The following GRIN2C variants were observed in gnomAD, a reference collection of about 807,000 sequenced individuals.
GRIN2C encodes glutamate receptor ionotropic, NMDA 2C.
A neutral mutation model predicts 77.7 loss-of-function variants in GRIN2C; 64 were observed. The ratio of observed to expected loss-of-function variants is 0.82; its 90% CI spans 0.67 to 1.01. GRIN2C has a LOEUF of 1.01. Ranked by LOEUF, GRIN2C falls within the 50% of genes least tolerant of loss-of-function variation. The probability of loss-of-function intolerance (pLI) is 0.00; values close to 1 mark genes in which losing one functional copy is unlikely to be tolerated. For synonymous variants in GRIN2C, 792 were observed against 643.4 expected (o/e 1.23, Z -3.49); for missense variants, 1,549 against 1,486.0 (o/e 1.04, Z -0.70).
chr17:74,846,800 G>A lies in GRIN2C; in HGVS notation c.2122C>T (p.Gln708Ter). ...GTGAGCGCGTCCTCCACCGAGCGCT[G>A]GTTGAACTTGACCATGTGGGTGTGC... ...DMHTHMVKFNQRSVEDALTSL... is the reference protein window; with the variant it reads ...DMHTHMVKFN The change falls in exon 10 of 13, where the codon CAG (glutamine) becomes TAG (stop). Residue 708 changes from glutamine to a stop codon, truncating the protein, a stop_gained. Coordinates refer to ENST00000293190, the MANE Select transcript of GRIN2C (RefSeq NM_000835.6). LOFTEE classifies it high-confidence loss of function. The surrounding 1 kb of genome is among the most constrained non-coding windows in gnomAD (Gnocchi z 4.4). 1.2e-6 allele frequency: 2 copies of A among 1,614,144 alleles called. No homozygotes were observed. Among genetic ancestry groups the A allele is most frequent in the Non-Finnish European group, 1.7e-6 (2 of 1,180,014 alleles).
chr17:74,852,197 C>A lies in GRIN2C; in HGVS notation c.814G>T (p.Gly272Cys). The change falls in exon 3 of 13, where the codon GGC becomes TGC. Residue 272 changes from glycine to cysteine, a missense_variant. Physicochemically the swap from Gly to Cys is radical, Grantham distance 159. Coordinates refer to ENST00000293190, the MANE Select transcript of GRIN2C (RefSeq NM_000835.6). ...TDAPPATFPV[G>C]LISVVTESWR... Reference sequence around the variant, plus strand: ...CTCTCGGTGACGACGCTGATGAGGCCCACGGGGAAGGTGGCGGGGGGCGCA... The same window carrying A: ...CTCTCGGTGACGACGCTGATGAGGCACACGGGGAAGGTGGCGGGGGGCGCA... 6.9e-7 allele frequency: 1 copy of A among 1,453,478 alleles called. No individual in the cohort carries two copies. The allele number at this position is 1,453,478 out of a possible 1,614,324, so 90.0% of individuals were successfully genotyped here.
intron 2 of GRIN2C, 192 bp from the exon 3 acceptor site, chr17:74,852,803 C>G: frequency 2.3e-6 from 1 of 433,646 alleles, no homozygotes; most frequent in South Asian, 6.6e-5. Context: ...ATGGTCATGC[C>G]CGGCCCCCAG....
intron 1 of GRIN2C, among the ~76,000 whole-genome samples, chr17:74,856,055 C>T (rs893512853): frequency 2.0e-5 from 3 of 152,208 alleles, no homozygotes; most frequent in African/African-American, 7.2e-5. Flanking sequence ...TCTTTTGAAC[C>T]CAACCCAGGG....
At chr17:74,845,379 C>A (rs1428710737) in intron 11 of GRIN2C, among the ~76,000 whole-genome samples, 1 of 151,760 alleles carries the variant, frequency 6.6e-6, no homozygotes, top group African/African-American at 2.4e-5. Context: ...ATCCTCCTGC[C>A]TCAGCCTCCC....
Position 74,843,409 on chromosome 17 carries a change from T to C in GRIN2C, c.2728A>G (p.Ser910Gly). 1 of 1,535,944 alleles carries C rather than the reference T, an allele frequency of 6.5e-7. No individual in the cohort carries two copies. ...CGAGTGGCGCGGTCCAGGGAGCTGC[T>C]TACGCCCGCCGTGGTCACCATGTCG... ...ARDMVTTAGV[S>G]SSLDRATRTI... The change falls in exon 13 of 13, where the codon AGC (serine) becomes GGC (glycine). Residue 910 changes from serine to glycine, a missense_variant. Physicochemically the swap from Ser to Gly is moderately conservative, Grantham distance 56 (BLOSUM62 0). Around this residue, in one of 3 missense-constraint regions of GRIN2C, gnomAD observed 450 missense variants for 267.9 expected, o/e 1.68. Transcript: ENST00000293190.
upstream of GRIN2C, chr17:74,860,367 C>T (rs542831008): frequency 3.7e-5 from 17 of 455,518 alleles, no homozygotes; most frequent in South Asian, 2.3e-4. Context: ...GCCAGAAGTC[C>T]CCTTGGACGA....
At position 74,846,722 on chromosome 17, in the gene GRIN2C, C is replaced by A; in HGVS notation, c.2162+38G>T. 6.3e-7 allele frequency: 1 copy of A among 1,596,912 alleles called. No homozygotes were observed. Among genetic ancestry groups the A allele is most frequent in the Non-Finnish European group, 8.5e-7 (1 of 1,169,596 alleles). On this transcript the variant is annotated intron_variant, in intron 10 of 12. Transcript: ENST00000293190. This position sits in a 1 kb window ranked among gnomAD's most constrained non-coding sequence, Gnocchi z 4.4. ...GCTAAGGCTGGTCACTGGGGAGACACACGGATGAAGACAGCGGGTGCAGGG... is the reference window on the plus strand; with the variant it reads ...GCTAAGGCTGGTCACTGGGGAGACAAACGGATGAAGACAGCGGGTGCAGGG...
Position 74,842,370 on chromosome 17 carries a change from G to C in GRIN2C, c.*65C>G. 1 of 714,810 alleles carries C rather than the reference G, an allele frequency of 1.4e-6. No homozygotes were observed. Among genetic ancestry groups the C allele is most frequent in the East Asian group, 2.5e-5 (1 of 39,874 alleles). 44.3% of individuals were successfully genotyped at this position (714,810 alleles called of 1,614,324 possible). A position where few individuals can be genotyped will look rare whatever the true frequency, so the allele number is the denominator to read the frequency against. ...AAGCCAGAAAAGCCCAATCCTGCCT[G>C]CCGCTTAACCCTGACAGTGGCAGGC... On this transcript the variant is annotated 3_prime_UTR_variant, in exon 13 of 13. Transcript: ENST00000293190.
chr17:74,855,073 G>A lies in GRIN2C; in HGVS notation c.20C>T (p.Pro7Leu), dbSNP rs765489276. 140 of 1,589,194 alleles carry A rather than the reference G, an allele frequency of 8.8e-5. No homozygotes were observed. The highest frequency in any genetic ancestry group is 5.3e-4 in the Middle Eastern group (3 of 5,642). Residue 7 changes from proline to leucine, a missense_variant, in exon 2 of 13, where the codon CCG (proline) becomes CTG (leucine). Physicochemically the swap from Pro to Leu is moderately conservative, Grantham distance 98. This residue lies in a region of GRIN2C where 382 missense variants were observed against 360.0 expected (regional missense o/e 1.06). Transcript: ENST00000293190. Reference sequence around the variant, plus strand: ...GAAGAGCGAGGTGAGCAACAGGGCCGGCCCCAGGGCCCCACCCATGTCCAC... The same window carrying A: ...GAAGAGCGAGGTGAGCAACAGGGCCAGCCCCAGGGCCCCACCCATGTCCAC... MGGALG[P>L]ALLLTSLFGA...
In GRIN2C at chr17:74,846,758, A is replaced by G; in HGVS notation, c.2162+2T>C. On this transcript the variant is annotated splice_donor_variant, in intron 10 of 12. Coordinates refer to ENST00000293190, the MANE Select transcript of GRIN2C (RefSeq NM_000835.6). LOFTEE classifies it high-confidence loss of function. The surrounding 1 kb of genome is among the most constrained non-coding windows in gnomAD (Gnocchi z 4.4). ...ACAGCGGGTGCAGGGCTGGGGACCC[A>G]CCCCATCTTGAGGCTGGTGAGCGCG... 1 of 1,613,062 alleles carries G rather than the reference A, an allele frequency of 6.2e-7. No homozygotes were observed. The highest frequency in any genetic ancestry group is 8.5e-7 in the Non-Finnish European group (1 of 1,179,496).
At chr17:74,845,411 T>C (rs902999565) in intron 11 of GRIN2C, among the ~76,000 whole-genome samples, 4 of 151,948 alleles carry the variant, frequency 2.6e-5, no homozygotes, top group Non-Finnish European at 5.9e-5. Flanking sequence ...ATTATAGGTG[T>C]GTGCCACCAT....
In GRIN2C at chr17:74,844,385, G is replaced by A. The variant is rs774440399; in HGVS notation, c.2474C>T (p.Ala825Val). The change falls in exon 12 of 13, where the codon GCC (alanine) becomes GTC (valine). Residue 825 changes from alanine (A) to valine (V), a missense_variant. By Grantham distance (64) the Ala-to-Val change is moderately conservative (BLOSUM62 0). Transcript: ENST00000293190. ...GAAGACCAGCAGGGCCAGCCCCATG[G>A]CCACCAGCAGCATGTAGAAGACGCC... Reference protein sequence around the residue: ...MAGVFYMLLVAMGLALLVFAW... With the variant: ...MAGVFYMLLVVMGLALLVFAW... 26 of 1,614,068 alleles carry A rather than the reference G, an allele frequency of 1.6e-5. No individual in the cohort carries two copies. Among genetic ancestry groups the A allele is most frequent in the Non-Finnish European group, 2.2e-5 (26 of 1,180,044 alleles).
At chr17:74,856,382 C>T (rs922545132) in intron 1 of GRIN2C, among the ~76,000 whole-genome samples, 8 of 152,322 alleles carry the variant, frequency 5.3e-5, no homozygotes, top group Non-Finnish European at 8.8e-5. Context: ...CTCCGAAAGA[C>T]AGATGCCCTT....
At position 74,850,656 on chromosome 17, in the gene GRIN2C, C is replaced by A; in HGVS notation, c.1225G>T (p.Glu409Ter). Residue 409 changes from glutamate (E) to a stop codon, truncating the protein, a stop_gained, in exon 5 of 13, where the codon GAA becomes TAA. Coordinates refer to ENST00000293190, the MANE Select transcript of GRIN2C (RefSeq NM_000835.6). LOFTEE classifies it high-confidence loss of function. The surrounding 1 kb of genome is among the most constrained non-coding windows in gnomAD (Gnocchi z 5.3). The stretch of plus-strand genomic sequence containing the variant: ...TCCACGATGACAAAGGGCCGCTCTT[C>A]CAGCGTGGCCACCGTCAGGTGCCGA... ...DSRHLTVATL[E>*]ERPFVIVESP... The A allele has an allele frequency of 4.3e-6, 7 of 1,613,626 alleles. No homozygotes were observed. The highest frequency in any genetic ancestry group is 5.9e-6 in the Non-Finnish European group (7 of 1,179,984).
In GRIN2C at chr17:74,847,628, C is replaced by T. The variant is rs1228584397; in HGVS notation, c.1772-91G>A. 2 of 1,036,462 alleles carry T rather than the reference C, an allele frequency of 1.9e-6. No individual in the cohort carries two copies. Among genetic ancestry groups the T allele is most frequent in the Admixed American group, 4.1e-5 (2 of 48,254 alleles). The allele number at this position is 1,036,462 out of a possible 1,614,324, so 64.2% of individuals were successfully genotyped here. On this transcript the variant is annotated intron_variant, in intron 8 of 12. Transcript: ENST00000293190. The surrounding 1 kb of genome is among the most constrained non-coding windows in gnomAD (Gnocchi z 5.2). ...GCCCACCCGACTGCACAGCTCCGGT[C>T]TCAGCCTGGCCTTGGGGGGGACGCG... is the stretch of plus-strand genomic sequence containing the variant.
intron 12 of GRIN2C, 197 bp downstream of exon 12, chr17:74,844,079 G>A: frequency 8.9e-7 from 1 of 1,122,080 alleles, no homozygotes; most frequent in Middle Eastern, 3.0e-4. Context: ...TCGCCATGTT[G>A]CCCAGGCTGG....
rs139658880 is a variant in GRIN2C at position 74,846,913 on chromosome 17, C to T, written c.2009G>A (p.Arg670Gln). ...GAAAGGTGGGTACTGATCTTGAGGCCGCTGAAACTGCAGGCGGAGGGCAGC... is the reference window on the plus strand; with the variant it reads ...GAAAGGTGGGTACTGATCTTGAGGCTGCTGAAACTGCAGGCGGAGGGCAGC... ...VSGLSDKKFQ[R>Q]PQDQYPPFRF... The change falls in exon 10 of 13, where the codon CGG (arginine) becomes CAG (glutamine). Residue 670 changes from arginine (R) to glutamine (Q), a missense_variant. Arg to Gln is a conservative substitution (Grantham distance 43). This residue lies in a region of GRIN2C where 717 missense variants were observed against 858.1 expected (regional missense o/e 0.84). Transcript: ENST00000293190. The surrounding 1 kb of genome is among the most constrained non-coding windows in gnomAD (Gnocchi z 4.4). The T allele has an allele frequency of 5.3e-5, 85 of 1,606,802 alleles. No homozygotes were observed. Among genetic ancestry groups the T allele is most frequent in the East Asian group, 3.6e-4 (16 of 44,702 alleles).
Position 74,842,714 on chromosome 17 carries a change from G to T in GRIN2C, c.3423C>A (p.Pro1141=). Residue 1141 remains proline (P), a synonymous_variant, in exon 13 of 13, where the codon CCC becomes CCA. Transcript: ENST00000293190. ...AGACGTGCTGTCTGTGCTGCCAGGC[G>T]GGGGCCCCTGCCTGCTCGCCCTCCT... ...ACQEGEQAGA[P]AWQHRQHVCL... is the part of the protein sequence containing the mutation. 2.8e-6 allele frequency: 2 copies of T among 714,708 alleles called. No homozygotes were observed. Among genetic ancestry groups the T allele is most frequent in the South Asian group, 1.5e-5 (1 of 67,650 alleles). The allele number at this position is 714,708 out of a possible 1,614,324, so 44.3% of individuals were successfully genotyped here.
In GRIN2C at chr17:74,844,516, TG is replaced by T. The variant is rs780908833; in HGVS notation, c.2351-9del. ...CCAGTTTCTGTGTCTCTCCTGGAGT[TG>T]GGGGGTGTACACATCTGGCTCAGGA... is the stretch of plus-strand genomic sequence containing the variant. On this transcript the variant is annotated splice_polypyrimidine_tract_variant and intron_variant, in intron 11 of 12. Coordinates refer to ENST00000293190, the MANE Select transcript of GRIN2C (RefSeq NM_000835.6). 29 of 1,613,324 alleles carry T rather than the reference TG, an allele frequency of 1.8e-5. No homozygotes were observed. Among genetic ancestry groups the T allele is most frequent in the Non-Finnish European group, 2.3e-5 (27 of 1,179,358 alleles).
Sources: gnomAD v4.1 joint callset for allele counts (sites outside exome capture counted in the v4.1 genomes callset) on GRCh38, gnomAD v4.1.1 for gene constraint, gnomAD v4.1.1 regional missense constraint, Gnocchi (gnomAD v3.1) non-coding constraint, MANE v1.5 for transcripts, NCBI Gene and HGNC (gene_info 2026-07-23, HGNC 2026-07-21) for gene names.